The following PDE4D variants were observed in gnomAD, a reference collection of about 807,000 sequenced individuals.
PDE4D encodes the protein phosphodiesterase 4D.
A neutral mutation model predicts 87.4 loss-of-function variants in PDE4D; 24 were observed. The ratio of observed to expected loss-of-function variants is 0.27; its 90% CI spans 0.20 to 0.39. The LOEUF (loss-of-function observed/expected upper bound fraction) is 0.39, where lower values mean the gene tolerates loss of function less well. Among genes scored for constraint, PDE4D ranks in the 10% least tolerant of loss-of-function variants. The probability of loss-of-function intolerance (pLI) is 1.00; values close to 1 mark genes in which losing one functional copy is unlikely to be tolerated. For synonymous variants in PDE4D, 384 were observed against 383.2 expected (o/e 1.00, Z -0.02); for missense variants, 714 against 1,041.0 (o/e 0.69, Z 4.32).
At chr5:59,507,664 C>CAAAAAAAAAAAAAAAAAAAAA (rs1284106865) in intron 1 of PDE4D, among the ~76,000 whole-genome samples, 5 of 79,822 alleles carry the variant, frequency 6.3e-5, no homozygotes, top group Non-Finnish European at 1.2e-4. Flanking sequence ...TACCCTGTCT[C>CAAAAAAAAAAAAAAAAAAAAA]AAAAAAAAAA....
intron 1 of PDE4D, among the ~76,000 whole-genome samples, chr5:59,523,604 T>G (rs1812602247): frequency 6.6e-6 from 1 of 152,202 alleles, no homozygotes; most frequent in African/African-American, 2.4e-5. Context: ...AGCTGCCCCT[T>G]TGAAAACTAT....
chr5:59,525,225 A>G (rs965791893), intron 1 of PDE4D, among the ~76,000 whole-genome samples: 3 of 152,222 alleles, frequency 2.0e-5, no homozygotes, highest in Non-Finnish European at 4.4e-5. Flanking sequence ...GAAAAACCAC[A>G]GGGGTGGAGC....
chr5:59,834,403 T>C (rs1447981441), intron 1 of PDE4D, among the ~76,000 whole-genome samples: 1 of 152,058 alleles, frequency 6.6e-6, no homozygotes, highest in African/African-American at 2.4e-5. Context: ...CATAAAATAA[T>C]GATCATAGTT....
intron 2 of PDE4D, among the ~76,000 whole-genome samples, chr5:60,182,205 C>G (rs1281306791): frequency 1.3e-5 from 2 of 152,140 alleles, no homozygotes; most frequent in Non-Finnish European, 2.9e-5. Context: ...AAATTAGCTT[C>G]TAGGTCTATG....
chr5:59,501,201 A>G (rs1288489216), intron 1 of PDE4D, among the ~76,000 whole-genome samples: 1 of 152,114 alleles, frequency 6.6e-6, no homozygotes, highest in Non-Finnish European at 1.5e-5. Context: ...TCATGTAGTC[A>G]TTTCTTAGTT....
intron 1 of PDE4D, among the ~76,000 whole-genome samples, chr5:59,742,296 T>C (rs1355982096): frequency 6.6e-6 from 1 of 152,186 alleles, no homozygotes; most frequent in African/African-American, 2.4e-5. Context: ...ACTCCTGACC[T>C]CAGGTGATCC....
rs994883639 is a variant in PDE4D, at chr5:59,464,609, G to A, written c.456-248641C>T. 1.8e-4 allele frequency among the ~76,000 whole-genome samples: 28 copies of A among 152,026 alleles called. 1 individual carries two copies. The highest frequency in any genetic ancestry group is 3.3e-4 in the Admixed American group (5 of 15,252). On this transcript the variant is annotated intron_variant, in intron 1 of 14. Transcript: ENST00000340635. ...ATACTAAGGGAACTCAGAGGCTGGC[G>A]GGATCCTCCATACGCTGAACGCTGG...
intron 5 of PDE4D, among the ~76,000 whole-genome samples, chr5:59,140,856 AG>A (rs1382861409): frequency 6.6e-6 from 1 of 151,472 alleles, no homozygotes; most frequent in Non-Finnish European, 1.5e-5. Context: ...GTTACATCTT[AG>A]GGCCAAGGAG....
At chr5:59,173,940 T>C (rs1271967752) in intron 5 of PDE4D, among the ~76,000 whole-genome samples, 2 of 152,186 alleles carry the variant, frequency 1.3e-5, no homozygotes, top group Non-Finnish European at 2.9e-5. Flanking sequence ...TTTAAAAAAC[T>C]ATATATACTA....
intron 1 of PDE4D, among the ~76,000 whole-genome samples, chr5:59,713,551 C>T (rs1754527264): frequency 6.6e-6 from 1 of 152,210 alleles, no homozygotes; most frequent in African/African-American, 2.4e-5. Flanking sequence ...CACCCACTGA[C>T]TCCCCTCAGA....
intron 1 of PDE4D, among the ~76,000 whole-genome samples, chr5:59,589,079 G>A (rs1363093051): frequency 1.3e-5 from 2 of 152,090 alleles, no homozygotes; most frequent in Non-Finnish European, 2.9e-5. Context: ...ATGAGTTAAG[G>A]ACTGTTACTA....
chr5:59,301,553 GAAGA>G (rs1293169777), intron 1 of PDE4D, among the ~76,000 whole-genome samples: 1 of 152,118 alleles, frequency 6.6e-6, no homozygotes, highest in African/African-American at 2.4e-5. Context: ...AAATCTGTTT[GAAGA>G]AAGAAGTGCG....
At chr5:59,996,909 T>G (rs541242574) in intron 2 of PDE4D, among the ~76,000 whole-genome samples, 2 of 152,288 alleles carry the variant, frequency 1.3e-5, no homozygotes, top group African/African-American at 4.8e-5. Context: ...AAATATAGGC[T>G]GTGATTTCAT....
chr5:60,307,067 T>C lies in PDE4D; in HGVS notation c.-89-121380A>G, dbSNP rs142300948. Among the ~76,000 whole-genome samples the C allele has an allele frequency of 5.6e-4, 85 of 152,222 alleles. 1 individual carries two copies. In the East Asian group the frequency reaches 0.014, roughly 25 times the overall value. On this transcript the variant is annotated intron_variant, in intron 1 of 16. Transcript: ENST00000502484. ...AATACCATACCTGACAATGATTATTTTTGAAAAGATACACCTATCTCACTT... is the reference window on the plus strand; with the variant it reads ...AATACCATACCTGACAATGATTATTCTTGAAAAGATACACCTATCTCACTT...
At chr5:60,420,847 C>G (rs1246076245) in intron 1 of PDE4D, among the ~76,000 whole-genome samples, 1 of 152,208 alleles carries the variant, frequency 6.6e-6, no homozygotes, top group Non-Finnish European at 1.5e-5. Flanking sequence ...TGCGCTTTTC[C>G]CACTGTCTTA....
intron 5 of PDE4D, among the ~76,000 whole-genome samples, chr5:59,058,322 A>T (rs1481560406): frequency 6.6e-6 from 1 of 152,140 alleles, no homozygotes; most frequent in Non-Finnish European, 1.5e-5. Flanking sequence ...TCCAGGGGAG[A>T]GAAATCCCTA....
At chr5:60,207,058 T>G (rs957705004) in intron 1 of PDE4D, among the ~76,000 whole-genome samples, 1 of 152,150 alleles carries the variant, frequency 6.6e-6, no homozygotes, top group Non-Finnish European at 1.5e-5. Flanking sequence ...ATCTTACAGA[T>G]AGGTCCATAA....
intron 1 of PDE4D, among the ~76,000 whole-genome samples, chr5:60,340,719 G>T (rs1002577149): frequency 1.3e-5 from 2 of 151,454 alleles, no homozygotes; most frequent in Non-Finnish European, 2.9e-5. Context: ...TAATATTCCA[G>T]CAAAAGAGAT....
chr5:59,714,843 T>C (rs1293889533), intron 1 of PDE4D, among the ~76,000 whole-genome samples: 2 of 152,238 alleles, frequency 1.3e-5, no homozygotes, highest in African/African-American at 4.8e-5. Flanking sequence ...ATTAAGATAG[T>C]GTGGCTGAGA....
Sources: gnomAD v4.1 joint callset for allele counts (sites outside exome capture counted in the v4.1 genomes callset) on GRCh38, gnomAD v4.1.1 for gene constraint, MANE v1.5 for transcripts, NCBI Gene and HGNC (gene_info 2026-07-23, HGNC 2026-07-21) for gene names.